CDH18: variants seen among roughly 807,000 people sequenced by gnomAD.
CDH18 encodes the protein cadherin 18.
A neutral mutation model predicts 67.9 loss-of-function variants in CDH18; 31 were observed. The observed-to-expected ratio is 0.46, with a 90% confidence interval of 0.34 to 0.62. The LOEUF is 0.62. Among genes scored for constraint, CDH18 ranks in the 20% least tolerant of loss-of-function variants. The pLI, the probability that CDH18 is intolerant of heterozygous loss-of-function variation, is 0.01. For synonymous variants in CDH18, 362 were observed against 347.2 expected, an observed-to-expected ratio of 1.04 and a Z score of -0.48; for missense variants, 890 against 975.5, an observed-to-expected ratio of 0.91 and a Z score of 1.17.
intron 10 of CDH18, among the ~76,000 whole-genome samples, chr5:19,505,822 G>T (rs1213800849): frequency 6.6e-6 from 1 of 152,112 alleles, no homozygotes; most frequent in Non-Finnish European, 1.5e-5. Flanking sequence ...TCAGGATGAT[G>T]CTGGCCTCAT....
At chr5:19,740,282 A>G (rs993765920) in intron 4 of CDH18, among the ~76,000 whole-genome samples, 18 of 152,148 alleles carry the variant, frequency 1.2e-4, no homozygotes, top group Admixed American at 1.2e-3. Flanking sequence ...TCATACAGAA[A>G]TATTTATTTG....
intron 1 of CDH18, among the ~76,000 whole-genome samples, chr5:20,411,907 T>A (rs983842028): frequency 1.3e-5 from 2 of 152,112 alleles, no homozygotes; most frequent in African/African-American, 4.8e-5. Context: ...TGGAAAATCA[T>A]CCCTTGCTCA....
intron 5 of CDH18, among the ~76,000 whole-genome samples, chr5:19,679,467 G>T (rs1759957377): frequency 2.0e-5 from 3 of 151,922 alleles, no homozygotes. Context: ...AATCAGGAAA[G>T]AGAAAGAAAT....
intron 2 of CDH18, among the ~76,000 whole-genome samples, chr5:20,056,054 G>C (rs1261443105): frequency 1.4e-5 from 2 of 137,938 alleles, no homozygotes; most frequent in African/African-American, 2.7e-5. Context: ...ACCCAGGCTG[G>C]AGTGCAGTGG....
At chr5:19,613,093 G>A (rs754384579) in intron 5 of CDH18, among the ~76,000 whole-genome samples, 16 of 151,996 alleles carry the variant, frequency 1.1e-4, no homozygotes, top group Non-Finnish European at 2.1e-4. Context: ...TGCAGTGAGC[G>A]GAGATCACGC....
At chr5:20,434,490 G>A (rs1425114041) in intron 1 of CDH18, among the ~76,000 whole-genome samples, 1 of 151,998 alleles carries the variant, frequency 6.6e-6, no homozygotes, top group Non-Finnish European at 1.5e-5. Context: ...AACGTATTGT[G>A]TGTATCTTGG....
Position 20,248,414 on chromosome 5 carries a change from T to C in CDH18, c.-518+7030A>G, listed in dbSNP as rs1217288325. On this transcript the variant is annotated intron_variant, in intron 2 of 14. Coordinates refer to the CDH18 transcript ENST00000507958. The stretch of plus-strand genomic sequence containing the variant: ...ATAACAAGTCTTTATAAATCTACCA[T>C]GGCTATGTGACAAGGGAAAACGTTC... 2.0e-5 allele frequency among the ~76,000 whole-genome samples: 3 copies of C among 152,224 alleles called. 1 individual carries two copies. Among genetic ancestry groups the C allele is most frequent in the Non-Finnish European group, 2.9e-5 (2 of 68,032 alleles).
At position 19,948,267 on chromosome 5, in the gene CDH18, T is replaced by G. The variant is rs530573602; in HGVS notation, c.-257+32793A>C. On this transcript the variant is annotated intron_variant, in intron 2 of 12. Coordinates refer to ENST00000382275, the MANE Select transcript of CDH18 (RefSeq NM_004934.5). ...AAGCAGCAATTTTACTCAGGAGTAT[T>G]TATCCCTGAGAGATGAAAATTTTTG... 4.6e-5 allele frequency among the ~76,000 whole-genome samples: 7 copies of G among 152,270 alleles called. No individual in the cohort carries two copies. The East Asian group carries it at 1.2e-3, about 25-fold the overall frequency.
chr5:19,519,931 T>C (rs1173227846), intron 10 of CDH18, among the ~76,000 whole-genome samples: 2 of 152,184 alleles, frequency 1.3e-5, no homozygotes, highest in African/African-American at 4.8e-5. Flanking sequence ...CTTGCGAGAC[T>C]CTTGCAAAGA....
At chr5:19,593,707 C>CCTTCTTCTTCTTCTTCTT (rs1554054958) in intron 6 of CDH18, among the ~76,000 whole-genome samples, 1,365 of 33,172 alleles carry the variant, frequency 0.041, 42 homozygotes, top group South Asian at 0.053. Flanking sequence ...TCCTCCTCCT[C>CCTTCTTCTTCTTCTTCTT]CTTCTTCTTC....
At chr5:20,127,760 C>T (rs1320551319) in intron 2 of CDH18, among the ~76,000 whole-genome samples, 2 of 152,104 alleles carry the variant, frequency 1.3e-5, no homozygotes, top group African/African-American at 4.8e-5. Flanking sequence ...TTCACTTGAT[C>T]TGTTGTACAG....
intron 1 of CDH18, among the ~76,000 whole-genome samples, chr5:20,502,237 A>G (rs1378264308): frequency 6.6e-6 from 1 of 152,142 alleles, no homozygotes; most frequent in East Asian, 1.9e-4. Flanking sequence ...TGTTCAATGG[A>G]TTACTTGTTT....
chr5:19,473,496 G>A lies in CDH18; in HGVS notation c.2103C>T (p.His701=). 1 of 1,613,748 alleles carries A rather than the reference G, an allele frequency of 6.2e-7. No homozygotes were observed. The highest frequency in any genetic ancestry group is 8.5e-7 in the Non-Finnish European group (1 of 1,179,812). ...TGCTTTCCAGGGTGGATGATGTCTG[G>A]TGTCTGGGAGTGAGCTTCACTTCAG... The part of the protein sequence containing the change: ...IRPEVKLTPR[H]QTSSTLESID... The change falls in exon 13 of 13, where the codon CAC becomes CAT. Residue 701 remains histidine, a synonymous_variant. Coordinates refer to ENST00000382275, the MANE Select transcript of CDH18 (RefSeq NM_004934.5).
intron 5 of CDH18, among the ~76,000 whole-genome samples, chr5:19,626,873 C>A (rs1050609551): frequency 1.3e-5 from 2 of 151,944 alleles, no homozygotes; most frequent in African/African-American, 4.8e-5. Context: ...ATTATGCTTT[C>A]AAAAATTTCG....
At chr5:20,442,586 T>G (rs1749686545) in intron 1 of CDH18, among the ~76,000 whole-genome samples, 1 of 151,796 alleles carries the variant, frequency 6.6e-6, no homozygotes, top group Admixed American at 6.6e-5. Context: ...AACAGTCACC[T>G]CCTCTGAAAG....
At chr5:19,678,228 A>G (rs1580827686) in intron 5 of CDH18, among the ~76,000 whole-genome samples, 1 of 139,690 alleles carries the variant, frequency 7.2e-6, no homozygotes, top group East Asian at 2.3e-4. Context: ...ATCAAACATA[A>G]AACAATCCTC....
chr5:20,435,522 G>A (rs1234279554), intron 1 of CDH18, among the ~76,000 whole-genome samples: 1 of 151,966 alleles, frequency 6.6e-6, no homozygotes, highest in Non-Finnish European at 1.5e-5. Flanking sequence ...CTCAATTGTG[G>A]GTAAGGCAGG....
At chr5:20,232,964 T>G (rs892996049) in intron 2 of CDH18, among the ~76,000 whole-genome samples, 3 of 151,832 alleles carry the variant, frequency 2.0e-5, no homozygotes, top group Admixed American at 6.6e-5. Flanking sequence ...CAGTAAAAAA[T>G]GAATATATGT....
intron 2 of CDH18, among the ~76,000 whole-genome samples, chr5:20,103,559 AC>A (rs1354557311): frequency 7.3e-6 from 1 of 136,932 alleles, no homozygotes; most frequent in Non-Finnish European, 1.6e-5. Context: ...CCCTGTCTCT[AC>A]TAAAAATACA....
Sources: allele counts gnomAD v4.1 joint callset (sites outside exome capture counted in the v4.1 genomes callset), GRCh38; gene constraint gnomAD v4.1.1; transcripts MANE v1.5; gene names NCBI Gene and HGNC (gene_info 2026-07-23, HGNC 2026-07-21).